ZNF804A: variants seen among roughly 807,000 people sequenced by gnomAD.
ZNF804A encodes zinc finger protein 804A.
A neutral mutation model predicts 16.5 loss-of-function variants in ZNF804A; 2 were observed. The ratio of observed to expected loss-of-function variants is 0.12; its 90% CI spans 0.05 to 0.38. The LOEUF (loss-of-function observed/expected upper bound fraction) is 0.38. Ranked by LOEUF, ZNF804A falls within the 10% of genes least tolerant of loss-of-function variation. The pLI is 0.99. For missense variants in ZNF804A, 1,473 were observed against 1,390.7 expected (o/e 1.06, Z -0.94); for synonymous variants, 534 against 489.6 (o/e 1.09, Z -1.20).
chr2:184,936,092 C>A lies in ZNF804A; in HGVS notation c.696C>A (p.Ala232=). The A allele has an allele frequency of 6.2e-7, 1 of 1,613,992 alleles. No homozygotes were observed. Among genetic ancestry groups the A allele is most frequent in the Middle Eastern group, 1.7e-4 (1 of 6,060 alleles). ...TGAAGCTAGAGTCCTCAGCTGCAGC[C>A]TTCTCTGAATACAGTGATGATGCCT... ...ASVKLESSAA[A]FSEYSDDASV... Residue 232 remains alanine, a synonymous_variant, in exon 4 of 4, where the codon GCC becomes GCA. Coordinates refer to ENST00000302277, the MANE Select transcript of ZNF804A (RefSeq NM_194250.2).
At chr2:184,885,944 T>C (rs916758575) in intron 2 of ZNF804A, among the ~76,000 whole-genome samples, 3 of 152,130 alleles carry the variant, frequency 2.0e-5, no homozygotes, top group African/African-American at 7.2e-5. Flanking sequence ...AAATCTCATG[T>C]CCTCACATTT....
intron 2 of ZNF804A, among the ~76,000 whole-genome samples, chr2:184,880,873 T>C (rs963497990): frequency 6.6e-6 from 1 of 152,070 alleles, no homozygotes; most frequent in African/African-American, 2.4e-5. Context: ...CATGGCCTTA[T>C]CATCTCTTAA....
intron 1 of ZNF804A, among the ~76,000 whole-genome samples, chr2:184,774,806 A>T (rs957689568): frequency 1.3e-5 from 2 of 151,774 alleles, no homozygotes; most frequent in Non-Finnish European, 2.9e-5. Flanking sequence ...GTGAGAATGA[A>T]ATCAAAGAGT....
chr2:184,797,180 C>G (rs13028549), intron 1 of ZNF804A, among the ~76,000 whole-genome samples: 50,748 of 151,916 alleles, frequency 0.33, 11,861 homozygotes, highest in African/African-American at 0.67. Context: ...TTGTTTCTTT[C>G]TTGACTTTTT....
chr2:184,705,324 G>T (rs1329198401), intron 1 of ZNF804A, among the ~76,000 whole-genome samples: 1 of 152,102 alleles, frequency 6.6e-6, no homozygotes, highest in Non-Finnish European at 1.5e-5. Context: ...ACTATGAAAA[G>T]GTACAGGCAA....
rs763541516 is a variant in ZNF804A at position 184,938,042 on chromosome 2, C to G, written c.2646C>G (p.His882Gln). 6.2e-7 allele frequency: 1 copy of G among 1,614,004 alleles called. No homozygotes were observed. The highest frequency in any genetic ancestry group is 1.1e-5 in the South Asian group (1 of 91,090). The change falls in exon 4 of 4, where the codon CAC (histidine) becomes CAG (glutamine). Residue 882 changes from histidine to glutamine, a missense_variant. Physicochemically the swap from His to Gln is conservative, Grantham distance 24. Transcript: ENST00000302277. ...AATTAAGAAACAAACTGTCTTTCCA[C>G]CCTAACAATCTCCTTCCTTCTGAAA... ...TNQLRNKLSFHPNNLLPSETN... is the reference protein window; with the variant it reads ...TNQLRNKLSFQPNNLLPSETN...
intron 1 of ZNF804A, among the ~76,000 whole-genome samples, chr2:184,673,099 A>C (rs1289878463): frequency 6.6e-6 from 1 of 152,174 alleles, no homozygotes; most frequent in Admixed American, 6.5e-5. Flanking sequence ...GAAAAGAAAA[A>C]AATGAAATAA....
At chr2:184,738,134 A>C (rs1693659297) in intron 1 of ZNF804A, among the ~76,000 whole-genome samples, 1 of 152,002 alleles carries the variant, frequency 6.6e-6, no homozygotes, top group South Asian at 2.1e-4. Flanking sequence ...CTAAAAAAAA[A>C]AAAAAAAGAA....
intron 1 of ZNF804A, among the ~76,000 whole-genome samples, chr2:184,685,201 A>G (rs1482701267): frequency 1.3e-5 from 2 of 152,078 alleles, no homozygotes; most frequent in African/African-American, 4.8e-5. Context: ...GTGAGGTTGT[A>G]GCTGGACCAG....
intron 1 of ZNF804A, among the ~76,000 whole-genome samples, chr2:184,812,072 G>A (rs1286954782): frequency 6.6e-6 from 1 of 152,180 alleles, no homozygotes; most frequent in Non-Finnish European, 1.5e-5. Flanking sequence ...AATTCCAGCA[G>A]TGCTATTGGC....
chr2:184,900,380 G>A (rs766622053), intron 2 of ZNF804A, among the ~76,000 whole-genome samples: 2 of 152,076 alleles, frequency 1.3e-5, no homozygotes, highest in Non-Finnish European at 2.9e-5. Flanking sequence ...AAAACTACGC[G>A]AAGAAGAGTG....
Position 184,936,881 on chromosome 2 carries a change from A to T in ZNF804A, c.1485A>T (p.Gly495=), listed in dbSNP as rs925378253. ...AGAAGCAGGAAGACATTTGCATGGG[A>T]CCACTTTCAGATTACAAGGATGTAT... The part of the protein sequence containing the change: ...SQQKQEDICM[G]PLSDYKDVST... The change falls in exon 4 of 4, where the codon GGA becomes GGT. Residue 495 remains glycine, a synonymous_variant. Coordinates refer to ENST00000302277, the MANE Select transcript of ZNF804A (RefSeq NM_194250.2). The T allele has an allele frequency of 5.6e-6, 9 of 1,613,454 alleles. No homozygotes were observed. Among genetic ancestry groups the T allele is most frequent in the Non-Finnish European group, 6.8e-6 (8 of 1,179,760 alleles).
At chr2:184,645,971 G>A (rs1459015725) in intron 1 of ZNF804A, among the ~76,000 whole-genome samples, 3 of 152,136 alleles carry the variant, frequency 2.0e-5, no homozygotes, top group African/African-American at 4.8e-5. Flanking sequence ...GAGGGAGAGC[G>A]CTTTGTTTTT....
At chr2:184,668,420 C>G (rs1692285367) in intron 1 of ZNF804A, among the ~76,000 whole-genome samples, 1 of 151,680 alleles carries the variant, frequency 6.6e-6, no homozygotes, top group Admixed American at 6.6e-5. Context: ...AATTTTTTGA[C>G]AATTGAATTT....
intron 1 of ZNF804A, among the ~76,000 whole-genome samples, chr2:184,837,698 TTTAG>T (rs1695374435): frequency 6.6e-6 from 1 of 152,144 alleles, no homozygotes. Context: ...TATCATTTTA[TTTAG>T]TATTTACTTA....
intron 2 of ZNF804A, among the ~76,000 whole-genome samples, chr2:184,930,922 A>G (rs993707055): frequency 6.6e-5 from 10 of 152,214 alleles, no homozygotes; most frequent in Non-Finnish European, 1.5e-4. Context: ...GAAATTTATA[A>G]AGTAAAGAGG....
At chr2:184,760,726 T>C (rs1286357521) in intron 1 of ZNF804A, among the ~76,000 whole-genome samples, 3 of 152,132 alleles carry the variant, frequency 2.0e-5, no homozygotes, top group Non-Finnish European at 2.9e-5. Flanking sequence ...ATAAAGATGA[T>C]TGGGGATAAA....
At chr2:184,861,450 A>G (rs1417195229) in intron 1 of ZNF804A, among the ~76,000 whole-genome samples, 1 of 152,288 alleles carries the variant, frequency 6.6e-6, no homozygotes. Context: ...CCTATTTTCC[A>G]TCATCTTGCT....
chr2:184,734,054 TC>T (rs1271396011), intron 1 of ZNF804A, among the ~76,000 whole-genome samples: 2 of 152,078 alleles, frequency 1.3e-5, no homozygotes, highest in African/African-American at 4.8e-5. Flanking sequence ...TTTAATTTGT[TC>T]CTCTTTTTCT....
Sources: allele counts gnomAD v4.1 joint callset (sites outside exome capture counted in the v4.1 genomes callset), GRCh38; gene constraint gnomAD v4.1.1; transcripts MANE v1.5; gene names NCBI Gene and HGNC (gene_info 2026-07-23, HGNC 2026-07-21).